CIP2A: variants seen among roughly 807,000 people sequenced by gnomAD.
CIP2A encodes the protein protein CIP2A.
Under a neutral mutation model 110.9 loss-of-function variants are expected in CIP2A, and 103 were observed. The ratio of observed to expected loss-of-function variants is 0.93; its 90% CI spans 0.79 to 1.09. CIP2A has a LOEUF of 1.09. Ranked by LOEUF, CIP2A falls within the 50% of genes least tolerant of loss-of-function variation. CIP2A has a pLI of 0.00. For missense variants in CIP2A, 1,088 were observed against 1,038.4 expected (o/e 1.05, Z -0.66); for synonymous variants, 381 against 361.6 (o/e 1.05, Z -0.61).
In CIP2A at chr3:108,579,361, A is replaced by G; in HGVS notation, c.738T>C (p.Asp246=). Residue 246 remains aspartate (D), a synonymous_variant, in exon 7 of 21, where the codon GAT becomes GAC. Transcript: ENST00000295746. The part of the protein sequence containing the change: ...QLIFNILING[D]GTLTRKYSVD... ...CTGAATACTTTCTAGTTAGAGTGCC[A>G]TCACCGTTTATGAGAATATTAAATA... 1 of 1,605,014 alleles carries G rather than the reference A, an allele frequency of 6.2e-7. No individual in the cohort carries two copies. The highest frequency in any genetic ancestry group is 8.5e-7 in the Non-Finnish European group (1 of 1,172,054).
At chr3:108,553,456 AC>A (rs910385795) in intron 19 of CIP2A, among the ~76,000 whole-genome samples, 191 bp downstream of exon 19, 8 of 151,980 alleles carry the variant, frequency 5.3e-5, no homozygotes, top group Non-Finnish European at 1.2e-4. Flanking sequence ...AATTTAAAAA[AC>A]GTACCACTTT....
chr3:108,579,130 G>C (rs1027897816), intron 7 of CIP2A, 151 bp downstream of exon 7: 3 of 567,262 alleles, frequency 5.3e-6, no homozygotes, highest in Non-Finnish European at 9.1e-6. Flanking sequence ...AAAGAAAAAA[G>C]AGTGTGAGTA....
Position 108,550,987 on chromosome 3 carries a change from C to T in CIP2A, c.*162G>A, listed in dbSNP as rs1240542011. On this transcript the variant is annotated 3_prime_UTR_variant, in exon 21 of 21. Transcript: ENST00000295746. ...TTAGAAAATTAAATTTCTATTCAAACTATCAAATAAAAAACATGCAACAGA... is the reference window on the plus strand; with the variant it reads ...TTAGAAAATTAAATTTCTATTCAAATTATCAAATAAAAAACATGCAACAGA... 2 of 392,250 alleles carry T rather than the reference C, an allele frequency of 5.1e-6. No homozygotes were observed. Among genetic ancestry groups the T allele is most frequent in the South Asian group, 1.3e-4 (1 of 7,582 alleles). The allele number at this position is 392,250 out of a possible 1,614,324, so 24.3% of individuals were successfully genotyped here. A position where few individuals can be genotyped will look rare whatever the true frequency, so the allele number is the denominator to read the frequency against.
intron 8 of CIP2A, among the ~76,000 whole-genome samples, chr3:108,569,862 G>C (rs189608632): frequency 1.3e-5 from 2 of 151,980 alleles, no homozygotes; most frequent in East Asian, 3.9e-4. Context: ...TTCAGCCAAC[G>C]TTAAACTCCT....
chr3:108,561,082 A>G (rs745822321), intron 13 of CIP2A, among the ~76,000 whole-genome samples: 1 of 152,148 alleles, frequency 6.6e-6, no homozygotes, highest in Non-Finnish European at 1.5e-5. Context: ...AGGCATTGTA[A>G]GACTAGTTTA....
At chr3:108,561,346 T>G (rs1937999801) in intron 13 of CIP2A, among the ~76,000 whole-genome samples, 1 of 152,094 alleles carries the variant, frequency 6.6e-6, no homozygotes, top group Admixed American at 6.6e-5. Flanking sequence ...TTTTCACTTA[T>G]CTCTTAACTA....
rs768770941 is a variant in CIP2A at position 108,585,115 on chromosome 3, T to C, written c.200A>G (p.Asn67Ser). The C allele has an allele frequency of 2.3e-5, 37 of 1,613,506 alleles. No individual in the cohort carries two copies. The highest frequency in any genetic ancestry group is 2.0e-4 in the Admixed American group (12 of 59,996). Reference sequence around the variant, plus strand: ...ACTTAAGATCAGTGAAGCACTTATGTTGGGGTCTTCAAGTAGCTCTACAAG... The same window carrying C: ...ACTTAAGATCAGTGAAGCACTTATGCTGGGGTCTTCAAGTAGCTCTACAAG... ...SCLVELLEDP[N>S]ISASLILSII... is the part of the protein sequence containing the mutation. Residue 67 changes from asparagine to serine, a missense_variant, in exon 2 of 21, where the codon AAC becomes AGC. By Grantham distance (46) the Asn-to-Ser change is conservative (BLOSUM62 1). Transcript: ENST00000295746.
chr3:108,561,838 A>G (rs895504009), intron 13 of CIP2A, among the ~76,000 whole-genome samples: 3 of 152,158 alleles, frequency 2.0e-5, no homozygotes, highest in Non-Finnish European at 2.9e-5. Flanking sequence ...TACAACACAA[A>G]TAAGACAGGG....
chr3:108,562,313 A>G (rs1938032950), intron 13 of CIP2A, among the ~76,000 whole-genome samples: 1 of 152,146 alleles, frequency 6.6e-6, no homozygotes, highest in African/African-American at 2.4e-5. Flanking sequence ...TTCTGCTTTT[A>G]TAGAGTGAAA....
chr3:108,558,143 G>C (rs1213585367), intron 16 of CIP2A, among the ~76,000 whole-genome samples: 4 of 152,058 alleles, frequency 2.6e-5, no homozygotes, highest in Non-Finnish European at 5.9e-5. Context: ...ATAAGAATGT[G>C]CTATGGGGAG....
intron 8 of CIP2A, among the ~76,000 whole-genome samples, chr3:108,573,833 C>T (rs892974077): frequency 2.6e-5 from 4 of 152,092 alleles, no homozygotes; most frequent in East Asian, 1.9e-4. Context: ...CAAAGTCATT[C>T]TAATTTTTTT....
At chr3:108,584,681 TACTTCTGGATCACTAGAATTTTTTA>T (rs1938989284) in intron 2 of CIP2A, among the ~76,000 whole-genome samples, 1 of 152,206 alleles carries the variant, frequency 6.6e-6, no homozygotes, top group Non-Finnish European at 1.5e-5. Context: ...TCTGTGTTAA[TACTTCTGGATCACTAGAATTTTTTA>T]AACTATGCAT....
In CIP2A at chr3:108,579,343, C is replaced by T. The variant is rs915143192; in HGVS notation, c.756G>A (p.Lys252=). The T allele has an allele frequency of 6.2e-7, 1 of 1,605,264 alleles. No homozygotes were observed. ...GATCCATCAGTAGGTCAACTGAATA[C>T]TTTCTAGTTAGAGTGCCATCACCGT... ...LINGDGTLTR[K]YSVDLLMDLL... Residue 252 remains lysine (K), a synonymous_variant, in exon 7 of 21, where the codon AAG becomes AAA. Coordinates refer to ENST00000295746, the MANE Select transcript of CIP2A (RefSeq NM_020890.3).
At chr3:108,558,977 AG>A (rs1402292607) in intron 16 of CIP2A, among the ~76,000 whole-genome samples, 1 of 152,186 alleles carries the variant, frequency 6.6e-6, no homozygotes, top group Non-Finnish European at 1.5e-5. Flanking sequence ...CAAGAGGGAC[AG>A]GATCATTTTA....
Position 108,560,703 on chromosome 3 carries a change from A to G in CIP2A, c.1773T>C (p.Gly591=). The part of the protein sequence containing the change: ...IKCLTPHLKD[G]VPGLNIEELI... Reference sequence around the variant, plus strand: ...ATTCTTCAATATTCAATCCAGGAACACCATCTTTCAAATGAGGAGTTAAAC... The same window carrying G: ...ATTCTTCAATATTCAATCCAGGAACGCCATCTTTCAAATGAGGAGTTAAAC... The change falls in exon 14 of 21, where the codon GGT becomes GGC. Residue 591 remains glycine, a synonymous_variant. Coordinates refer to ENST00000295746, the MANE Select transcript of CIP2A (RefSeq NM_020890.3). The G allele has an allele frequency of 6.2e-7, 1 of 1,610,880 alleles. No homozygotes were observed. Among genetic ancestry groups the G allele is most frequent in the Non-Finnish European group, 8.5e-7 (1 of 1,178,668 alleles).
At position 108,589,434 on chromosome 3, in the gene CIP2A, C is replaced by T; in HGVS notation, c.-59G>A. ...CCGCCCAGCGTGCGCCGGCCTTTAGCTTTCGCCGCGCTTTTTTTGATTTTC... is the reference window on the plus strand; with the variant it reads ...CCGCCCAGCGTGCGCCGGCCTTTAGTTTTCGCCGCGCTTTTTTTGATTTTC... On this transcript the variant is annotated 5_prime_UTR_variant, in exon 1 of 21. Coordinates refer to ENST00000295746, the MANE Select transcript of CIP2A (RefSeq NM_020890.3). 2 of 1,264,462 alleles carry T rather than the reference C, an allele frequency of 1.6e-6. No individual in the cohort carries two copies. The highest frequency in any genetic ancestry group is 2.2e-6 in the Non-Finnish European group (2 of 889,064). The allele number at this position is 1,264,462 out of a possible 1,614,324, so 78.3% of individuals were successfully genotyped here. A position where few individuals can be genotyped will look rare whatever the true frequency, so the allele number is the denominator to read the frequency against.
At chr3:108,551,717 G>T (rs1258764241) in intron 20 of CIP2A, among the ~76,000 whole-genome samples, 5 of 151,982 alleles carry the variant, frequency 3.3e-5, no homozygotes, top group Admixed American at 3.3e-4. Flanking sequence ...ATCCTAGTCT[G>T]TTCTCATCTT....
chr3:108,557,970 T>C (rs983585622), intron 16 of CIP2A, among the ~76,000 whole-genome samples: 1 of 152,128 alleles, frequency 6.6e-6, no homozygotes, highest in African/African-American at 2.4e-5. Context: ...GGATTTTATT[T>C]TACAATGCTA....
rs565568909 is a variant in CIP2A, at chr3:108,570,442, C to G, written c.895-835G>C. Among the ~76,000 whole-genome samples, 12 of 152,192 alleles carry G rather than the reference C, an allele frequency of 7.9e-5. No homozygotes were observed. The East Asian group carries it at 2.3e-3, about 29-fold the overall frequency. On this transcript the variant is annotated intron_variant, in intron 8 of 20. Coordinates refer to ENST00000295746, the MANE Select transcript of CIP2A (RefSeq NM_020890.3). The stretch of plus-strand genomic sequence containing the variant: ...TTAGTGATGCATATGTTGCTTAATG[C>G]ATCATTAATTCCGTTGTGTGAACAT...
Sources: gnomAD v4.1 joint callset for allele counts (sites outside exome capture counted in the v4.1 genomes callset) on GRCh38, gnomAD v4.1.1 for gene constraint, MANE v1.5 for transcripts, NCBI Gene and HGNC (gene_info 2026-07-23, HGNC 2026-07-21) for gene names.